BMP7: variants seen among roughly 807,000 people sequenced by gnomAD.
BMP7 encodes bone morphogenetic protein 7.
BMP7 carries 12 observed loss-of-function variants against 41.2 expected under a neutral mutation model. The observed-to-expected ratio is 0.29, with a 90% CI of 0.19 to 0.47. The LOEUF (loss-of-function observed/expected upper bound fraction) is 0.47. BMP7 is among the 20% of genes least tolerant of loss of function. The pLI is 0.99. For missense variants in BMP7, 467 were observed against 606.0 expected (o/e 0.77, Z 2.41); for synonymous variants, 248 against 250.0 (o/e 0.99, Z 0.07).
At chr20:57,190,707 C>A (rs374385143) in intron 3 of BMP7, among the ~76,000 whole-genome samples, 28 of 152,124 alleles carry the variant, frequency 1.8e-4, no homozygotes, top group African/African-American at 6.0e-4. Flanking sequence ...GGCCCCACCA[C>A]GCTCAGGGCC....
chr20:57,195,531 C>T (rs558886999), intron 3 of BMP7, among the ~76,000 whole-genome samples: 34 of 152,350 alleles, frequency 2.2e-4, no homozygotes, highest in African/African-American at 2.4e-4. Flanking sequence ...TCTCCCTCTC[C>T]GGCTTCTGGA....
intron 2 of BMP7, among the ~76,000 whole-genome samples, chr20:57,226,575 C>A (rs2066007192): frequency 6.6e-6 from 1 of 152,318 alleles, no homozygotes. Flanking sequence ...GATGAGGGCA[C>A]CCCGTGTGAA....
intron 1 of BMP7, among the ~76,000 whole-genome samples, chr20:57,252,080 G>A (rs534940974): frequency 6.6e-6 from 1 of 152,346 alleles, no homozygotes; most frequent in Admixed American, 6.5e-5. Context: ...TCACCATCGT[G>A]TCTGTGGCAA....
At chr20:57,245,506 G>A (rs974308640) in intron 1 of BMP7, among the ~76,000 whole-genome samples, 4 of 150,518 alleles carry the variant, frequency 2.7e-5, no homozygotes, top group Admixed American at 6.6e-5. Context: ...GGCACCCTAC[G>A]GGGCCCAGAG....
At chr20:57,236,164 C>T (rs759492093) in intron 1 of BMP7, among the ~76,000 whole-genome samples, 10 of 152,194 alleles carry the variant, frequency 6.6e-5, no homozygotes, top group Non-Finnish European at 1.0e-4. Flanking sequence ...CTTGTCAGGA[C>T]CCCAGAAGTG....
intron 1 of BMP7, among the ~76,000 whole-genome samples, chr20:57,263,886 C>T (rs1251024777): frequency 6.6e-6 from 1 of 152,016 alleles, no homozygotes; most frequent in African/African-American, 2.4e-5. Flanking sequence ...CCCAGCTATG[C>T]CCCCGCCTCT....
intron 1 of BMP7, among the ~76,000 whole-genome samples, chr20:57,241,757 G>A (rs945834958): frequency 8.6e-5 from 13 of 151,358 alleles, no homozygotes; most frequent in Non-Finnish European, 1.5e-4. Flanking sequence ...TGTTGGGGTA[G>A]GGGCCAGAGG....
intron 1 of BMP7, among the ~76,000 whole-genome samples, chr20:57,242,258 GA>G (rs2066072693): frequency 6.6e-6 from 1 of 152,160 alleles, no homozygotes; most frequent in African/African-American, 2.4e-5. Flanking sequence ...ACAGACCAGG[GA>G]CACCGCTAAA....
intron 1 of BMP7, among the ~76,000 whole-genome samples, chr20:57,244,508 T>G (rs374905093): frequency 3.5e-4 from 54 of 152,166 alleles, no homozygotes; most frequent in African/African-American, 1.3e-3. Context: ...AGAACTGGGG[T>G]TGAGCGTGGG....
chr20:57,173,296 C>A lies in BMP7; in HGVS notation c.1050G>T (p.Ala350=), dbSNP rs775245192. 16 of 1,613,962 alleles carry A rather than the reference C, an allele frequency of 9.9e-6. No individual in the cohort carries two copies. Among genetic ancestry groups the A allele is most frequent in the Middle Eastern group, 1.6e-4 (1 of 6,084 alleles). Residue 350 remains alanine, a synonymous_variant, in exon 6 of 7, where the codon GCG becomes GCT. Coordinates refer to ENST00000395863, the MANE Select transcript of BMP7 (RefSeq NM_001719.3). ...AGTAGTAGGCGGCGTAGCCTTCAGG[C>A]GCGATGATCCAGTCCTGAGGAGGAG... ...RDLGWQDWII[A]PEGYAAYYCE...
intron 3 of BMP7, 37 bp downstream of exon 3, chr20:57,202,438 A>C: frequency 6.3e-7 from 1 of 1,597,760 alleles, no homozygotes; most frequent in Non-Finnish European, 8.5e-7. Flanking sequence ...CCAGGAGCAC[A>C]GGCTGCATTA....
At chr20:57,179,319 G>A (rs1382144716) in intron 4 of BMP7, among the ~76,000 whole-genome samples, 2 of 152,240 alleles carry the variant, frequency 1.3e-5, no homozygotes, top group Non-Finnish European at 2.9e-5. Context: ...CCTGACGCCA[G>A]CACCGGGATT....
At chr20:57,216,434 C>T (rs1207243282) in intron 2 of BMP7, among the ~76,000 whole-genome samples, 2 of 152,044 alleles carry the variant, frequency 1.3e-5, no homozygotes, top group Non-Finnish European at 2.9e-5. Flanking sequence ...CCTGGGACTT[C>T]AGCCCGTCAG....
intron 4 of BMP7, among the ~76,000 whole-genome samples, chr20:57,182,585 G>A (rs1267008326): frequency 6.6e-6 from 1 of 152,224 alleles, no homozygotes; most frequent in East Asian, 1.9e-4. Flanking sequence ...TGGGGCAAGG[G>A]ACAACCCAGA....
In BMP7 at chr20:57,173,399, A is replaced by T. The variant is rs527636941; in HGVS notation, c.1036-89T>A. 4 of 1,291,438 alleles carry T rather than the reference A, an allele frequency of 3.1e-6. No homozygotes were observed. The African/African-American group carries it at 5.9e-5, about 19-fold the overall frequency. 80.0% of individuals were successfully genotyped at this position (1,291,438 alleles called of 1,614,324 possible). ...CATGCTGGCCAGAAACCACCACGCC[A>T]GGCTCACGACCCAAGGTGGAAGCCT... is the stretch of plus-strand genomic sequence containing the variant. On this transcript the variant is annotated intron_variant, in intron 5 of 6. Transcript: ENST00000395863.
At chr20:57,210,823 C>G (rs771364251) in intron 2 of BMP7, among the ~76,000 whole-genome samples, 1 of 152,250 alleles carries the variant, frequency 6.6e-6, no homozygotes, top group African/African-American at 2.4e-5. Flanking sequence ...GCAGAACAGG[C>G]CCTTGGAAAT....
chr20:57,184,679 G>C (rs577463321), intron 3 of BMP7, among the ~76,000 whole-genome samples: 2 of 152,266 alleles, frequency 1.3e-5, no homozygotes, highest in Admixed American at 6.5e-5. Context: ...GCTGTCGTCA[G>C]TTAAAATAAG....
At position 57,265,909 on chromosome 20, in the gene BMP7, G is replaced by A. The variant is rs1600651028; in HGVS notation, c.214C>T (p.Leu72Phe). The A allele has an allele frequency of 9.5e-6, 15 of 1,582,570 alleles. No homozygotes were observed. In the South Asian group the frequency reaches 1.7e-4, roughly 18 times the overall value. Residue 72 changes from leucine (L) to phenylalanine (F), a missense_variant, in exon 1 of 7, where the codon CTC becomes TTC. Leu to Phe is a conservative substitution (Grantham distance 22). Transcript: ENST00000395863. The part of the protein sequence containing the change: ...LGLPHRPRPH[L>F]QGKHNSAPMF... Reference sequence around the variant, plus strand: ...GGTGCCGAGTTGTGCTTGCCCTGGAGGTGCGGGCGCGGGCGGTGGGGCAAG... The same window carrying A: ...GGTGCCGAGTTGTGCTTGCCCTGGAAGTGCGGGCGCGGGCGGTGGGGCAAG...
rs901967555 is a variant in BMP7, at chr20:57,248,787, T to A, written c.418+16918A>T. 4.8e-5 allele frequency among the ~76,000 whole-genome samples: 5 copies of A among 103,904 alleles called. No individual in the cohort carries two copies. In the Admixed American group the frequency reaches 4.9e-4, roughly 10 times the overall value. 68.2% of individuals were successfully genotyped at this position (103,904 alleles called of 152,430 possible). ...TGCAGCTGAATGAGTTTTTTGTTTT[T>A]GTTTTGTTTTGTTTTGTTTTGTTTT... On this transcript the variant is annotated intron_variant, in intron 1 of 6. Coordinates refer to ENST00000395863, the MANE Select transcript of BMP7 (RefSeq NM_001719.3).
Sources: gnomAD v4.1 joint callset for allele counts (sites outside exome capture counted in the v4.1 genomes callset) on GRCh38, gnomAD v4.1.1 for gene constraint, MANE v1.5 for transcripts, NCBI Gene and HGNC (gene_info 2026-07-23, HGNC 2026-07-21) for gene names.